Variants in TERB1 observed in about 807,000 individuals in gnomAD.
TERB1 encodes telomere repeats-binding bouquet formation protein 1.
In TERB1, 63 loss-of-function variants were observed where a neutral mutation model predicts 92.3. The ratio of observed to expected loss-of-function variants is 0.68; its 90% CI spans 0.56 to 0.84. TERB1 has a LOEUF of 0.84. Among genes scored for constraint, TERB1 ranks in the 40% least tolerant of loss-of-function variants. The probability of loss-of-function intolerance (pLI) is 0.00; values close to 1 mark genes in which losing one functional copy is unlikely to be tolerated. For synonymous variants in TERB1, 252 were observed against 283.9 expected (o/e 0.89, Z 1.13); for missense variants, 709 against 843.7 (o/e 0.84, Z 1.98).
chr16:66,766,536 C>T (rs1353331923), intron 16 of TERB1, among the ~76,000 whole-genome samples: 1 of 152,054 alleles, frequency 6.6e-6, no homozygotes, highest in Non-Finnish European at 1.5e-5. Flanking sequence ...AAATAATGAA[C>T]ATGAAACAGT....
intron 3 of TERB1, among the ~76,000 whole-genome samples, chr16:66,792,671 C>T (rs1351374500): frequency 1.3e-5 from 2 of 152,164 alleles, no homozygotes; most frequent in Non-Finnish European, 2.9e-5. Flanking sequence ...ATTGTATCAA[C>T]ATCATAGACT....
intron 3 of TERB1, among the ~76,000 whole-genome samples, chr16:66,793,559 T>C (rs558230606): frequency 3.5e-4 from 53 of 151,446 alleles, no homozygotes; most frequent in Non-Finnish European, 6.6e-4. Flanking sequence ...TCACCCAAGC[T>C]GGAGCGCAGT....
chr16:66,788,670 T>C (rs1334643630), intron 5 of TERB1, among the ~76,000 whole-genome samples: 2 of 152,012 alleles, frequency 1.3e-5, no homozygotes, highest in Non-Finnish European at 2.9e-5. Context: ...AAACCTACTT[T>C]AGAAAACAGA....
chr16:66,790,267 G>C (rs895761261), intron 5 of TERB1, among the ~76,000 whole-genome samples: 1 of 149,728 alleles, frequency 6.7e-6, no homozygotes, highest in Non-Finnish European at 1.5e-5. Context: ...GAAGGAAAAA[G>C]GGGAGGGGGG....
rs779234308 is a variant in TERB1, at chr16:66,790,914, T to C, written c.137A>G (p.Gln46Arg). ...ALVTIHSICQ[Q>R]NSNASVYFRE... ...AATTCACTATTATATCTTACTGTTT[T>C]GTTGACAAATTGAATGAATAGTGAC... is the stretch of plus-strand genomic sequence containing the variant. The change falls in exon 4 of 19, where the codon CAA (glutamine) becomes CGA (arginine). Residue 46 changes from glutamine (Q) to arginine (R), a missense_variant. Transcript: ENST00000433154. 9.7e-6 allele frequency: 15 copies of C among 1,542,438 alleles called. No individual in the cohort carries two copies. In the African/African-American group the frequency reaches 1.1e-4, roughly 11 times the overall value.
At chr16:66,765,457 CTT>C (rs1313554707) in intron 16 of TERB1, among the ~76,000 whole-genome samples, 1 of 150,998 alleles carries the variant, frequency 6.6e-6, no homozygotes, top group African/African-American at 2.4e-5. Flanking sequence ...TACTTTCTTT[CTT>C]TCTTTTTTTT....
chr16:66,758,694 T>C (rs2018177367), intron 18 of TERB1, 79 bp downstream of exon 18: 7 of 823,032 alleles, frequency 8.5e-6, no homozygotes, highest in South Asian at 3.1e-5. Flanking sequence ...TGAGCCGAGA[T>C]TGCTCCACTG....
intron 9 of TERB1, among the ~76,000 whole-genome samples, chr16:66,785,093 C>T (rs2018706138): frequency 6.7e-6 from 1 of 149,432 alleles, no homozygotes; most frequent in Non-Finnish European, 1.5e-5. Flanking sequence ...GATCTTGGCT[C>T]ACTGCAACTT....
At position 66,788,220 on chromosome 16, in the gene TERB1, TTA is replaced by T; in HGVS notation, c.347_348del (p.Ile116LysfsTer17). On this transcript the variant is annotated frameshift_variant, in exon 6 of 19. Coordinates refer to ENST00000433154, the MANE Select transcript of TERB1 (RefSeq NM_001136505.2). LOFTEE classifies it high-confidence loss of function. The part of the protein sequence containing the change: ...LTWFLSNDSN[I>X]NLKRMSVYVI... Reference sequence around the variant, plus strand: ...ACATAAACAGACATTCTTTTCAAATTTATGTTTGAATCATTAGATAAGAACCA... The same window carrying T: ...ACATAAACAGACATTCTTTTCAAATTTGTTTGAATCATTAGATAAGAACCA... The T allele has an allele frequency of 6.6e-7, 1 of 1,512,410 alleles. No homozygotes were observed. Among genetic ancestry groups the T allele is most frequent in the Non-Finnish European group, 8.9e-7 (1 of 1,128,084 alleles). 93.7% of individuals were successfully genotyped at this position (1,512,410 alleles called of 1,614,324 possible). A position where few individuals can be genotyped will look rare whatever the true frequency, so the allele number is the denominator to read the frequency against.
At chr16:66,794,451 A>G (rs2018892299) in intron 3 of TERB1, among the ~76,000 whole-genome samples, 1 of 150,810 alleles carries the variant, frequency 6.6e-6, no homozygotes, top group Non-Finnish European at 1.5e-5. Flanking sequence ...TGCCTTTCTC[A>G]TACTTTGGTA....
At position 66,788,159 on chromosome 16, in the gene TERB1, A is replaced by G. The variant is rs543087857; in HGVS notation, c.400+10T>C. 57 of 1,433,272 alleles carry G rather than the reference A, an allele frequency of 4.0e-5. No individual in the cohort carries two copies. The African/African-American group carries it at 7.4e-4, about 19-fold the overall frequency. 88.8% of individuals were successfully genotyped at this position (1,433,272 alleles called of 1,614,324 possible). On this transcript the variant is annotated intron_variant, in intron 6 of 18. Coordinates refer to ENST00000433154, the MANE Select transcript of TERB1 (RefSeq NM_001136505.2). ...AGTGTTTTCAAATAGTCATAAGAGA[A>G]TGTACTTACTATTATTTGAAACCAG...
At chr16:66,790,166 G>T (rs565648529) in intron 5 of TERB1, among the ~76,000 whole-genome samples, 3 of 152,060 alleles carry the variant, frequency 2.0e-5, no homozygotes, top group Admixed American at 2.0e-4. Context: ...CACATGACAT[G>T]GTTGTGGGTT....
At chr16:66,762,903 G>A (rs1375313752) in intron 16 of TERB1, among the ~76,000 whole-genome samples, 1 of 150,864 alleles carries the variant, frequency 6.6e-6, no homozygotes, top group Admixed American at 6.6e-5. Flanking sequence ...AGCTGTTCTC[G>A]AATTCCTGGG....
chr16:66,797,609 G>A (rs1417169829), intron 2 of TERB1, among the ~76,000 whole-genome samples: 1 of 139,898 alleles, frequency 7.1e-6, no homozygotes, highest in African/African-American at 2.8e-5. Flanking sequence ...ACCTAAGAGA[G>A]GTTTAAAAAC....
chr16:66,795,490 G>GA (rs1469060910), intron 3 of TERB1, among the ~76,000 whole-genome samples: 2 of 152,036 alleles, frequency 1.3e-5, no homozygotes, highest in African/African-American at 4.8e-5. Context: ...ATCACTTTCT[G>GA]AAAAAAGGTA....
At chr16:66,757,034 G>T (rs2018149152) in intron 18 of TERB1, among the ~76,000 whole-genome samples, 1 of 152,106 alleles carries the variant, frequency 6.6e-6, no homozygotes, top group Non-Finnish European at 1.5e-5. Context: ...TCACATTTGA[G>T]TATAAAGTAT....
At chr16:66,788,761 T>C (rs2018770429) in intron 5 of TERB1, among the ~76,000 whole-genome samples, 2 of 152,078 alleles carry the variant, frequency 1.3e-5, no homozygotes, top group Non-Finnish European at 2.9e-5. Flanking sequence ...CCTGATAGTT[T>C]TTGTGTGTGT....
rs1156610402 is a variant in TERB1 at position 66,754,962 on chromosome 16, C to A, written c.*14G>T. ...TTTAAGAATCCAAACTAAAAACTGA[C>A]AGTCTTCTTTCAATCAAGAAGCTGC... On this transcript the variant is annotated 3_prime_UTR_variant, in exon 19 of 19. Transcript: ENST00000433154. 3.3e-6 allele frequency: 5 copies of A among 1,534,986 alleles called. No individual in the cohort carries two copies. Among genetic ancestry groups the A allele is most frequent in the Non-Finnish European group, 4.4e-6 (5 of 1,142,894 alleles).
chr16:66,796,785 T>A lies in TERB1; in HGVS notation c.14A>T (p.Asp5Val). 1 of 1,538,068 alleles carries A rather than the reference T, an allele frequency of 6.5e-7. No homozygotes were observed. Among genetic ancestry groups the A allele is most frequent in the Non-Finnish European group, 8.8e-7 (1 of 1,134,956 alleles). The change falls in exon 3 of 19, where the codon GAC becomes GTC. Residue 5 changes from aspartate (D) to valine (V), a missense_variant. Physicochemically the swap from Asp to Val is radical, Grantham distance 152 (BLOSUM62 -3). Transcript: ENST00000433154. ...TTTCTCACCTTGTGTTTTCTTTGTG[T>A]CTTCACTTTCCATGCTTGTCTATAT... MESE[D>V]TKKTQEMKTD...
Sources: allele counts gnomAD v4.1 joint callset (sites outside exome capture counted in the v4.1 genomes callset), GRCh38; gene constraint gnomAD v4.1.1; transcripts MANE v1.5; gene names NCBI Gene and HGNC (gene_info 2026-07-23, HGNC 2026-07-21).